SENP6: variants seen among roughly 807,000 people sequenced by gnomAD.
SENP6 encodes the protein sentrin-specific protease 6.
SENP6 carries 41 observed loss-of-function variants against 134.5 expected under a neutral mutation model. The ratio of observed to expected loss-of-function variants is 0.30; its 90% confidence interval spans 0.24 to 0.40. SENP6 has a LOEUF of 0.40. Among genes scored for constraint, SENP6 ranks in the 10% least tolerant of loss-of-function variants. The pLI is 1.00. For synonymous variants in SENP6, 395 were observed against 429.8 expected (o/e 0.92, Z 1.00); for missense variants, 1,248 against 1,312.5 (o/e 0.95, Z 0.76).
chr6:75,672,743 T>C (rs1013229851), intron 11 of SENP6, among the ~76,000 whole-genome samples: 4 of 152,248 alleles, frequency 2.6e-5, no homozygotes, highest in Non-Finnish European at 4.4e-5. Flanking sequence ...TAATGTTTTA[T>C]AAAATTCTAC....
intron 12 of SENP6, 128 bp downstream of exon 12, chr6:75,675,596 C>G (rs1773025379): frequency 3.0e-6 from 2 of 675,766 alleles, no homozygotes; most frequent in Admixed American, 6.5e-5. Flanking sequence ...ATCTTCTTAT[C>G]AAAGGGCATA....
chr6:75,661,733 A>C (rs959718731), intron 8 of SENP6, among the ~76,000 whole-genome samples: 6 of 152,112 alleles, frequency 3.9e-5, no homozygotes, highest in African/African-American at 1.2e-4. Flanking sequence ...GAAATTCTAC[A>C]CTATGTACCA....
intron 11 of SENP6, among the ~76,000 whole-genome samples, chr6:75,673,431 C>T (rs2149875589): frequency 6.8e-6 from 1 of 147,798 alleles, no homozygotes; most frequent in Non-Finnish European, 1.5e-5. Context: ...TCCGGCAATT[C>T]TCCTACCTCA....
chr6:75,633,426 G>A (rs925607788), intron 3 of SENP6, among the ~76,000 whole-genome samples, 155 bp from the exon 4 acceptor site: 4 of 152,112 alleles, frequency 2.6e-5, no homozygotes, highest in African/African-American at 9.7e-5. Context: ...AAAAAAAGTA[G>A]GCAGTTGAAT....
At chr6:75,714,229 C>A (rs546305630) in intron 23 of SENP6, among the ~76,000 whole-genome samples, 2 of 152,322 alleles carry the variant, frequency 1.3e-5, no homozygotes, top group South Asian at 4.1e-4. Flanking sequence ...CTGGCTTTAT[C>A]CTTAACCTTA....
chr6:75,651,453 T>TA (rs1399071142), intron 7 of SENP6, among the ~76,000 whole-genome samples: 1 of 152,100 alleles, frequency 6.6e-6, no homozygotes, highest in African/African-American at 2.4e-5. Flanking sequence ...CTCCTAGTCT[T>TA]ACATCATTCT....
chr6:75,649,404 A>G (rs914532972), intron 7 of SENP6, among the ~76,000 whole-genome samples: 9 of 152,242 alleles, frequency 5.9e-5, no homozygotes, highest in African/African-American at 9.6e-5. Flanking sequence ...CTTGTTACCA[A>G]TAATTTTTAA....
chr6:75,623,323 A>G (rs1294267436), intron 2 of SENP6, among the ~76,000 whole-genome samples: 1 of 152,182 alleles, frequency 6.6e-6, no homozygotes, highest in African/African-American at 2.4e-5. Flanking sequence ...ACATGTATCT[A>G]TTAACATGAA....
intron 7 of SENP6, among the ~76,000 whole-genome samples, chr6:75,655,992 A>T (rs1218211169): frequency 6.6e-6 from 1 of 151,996 alleles, no homozygotes. Flanking sequence ...AGGTGGGTGG[A>T]TCACCTGAAG....
chr6:75,641,782 AG>A (rs1483834048), intron 6 of SENP6, among the ~76,000 whole-genome samples: 1 of 152,178 alleles, frequency 6.6e-6, no homozygotes, highest in Non-Finnish European at 1.5e-5. Context: ...GTTCCAGACT[AG>A]CCTTGGCAAC....
In SENP6 at chr6:75,666,880, T is replaced by C; in HGVS notation, c.1163T>C (p.Ile388Thr). 6.2e-7 allele frequency: 1 copy of C among 1,612,488 alleles called. No homozygotes were observed. Among genetic ancestry groups the C allele is most frequent in the Non-Finnish European group, 8.5e-7 (1 of 1,178,770 alleles). ...TCRAERELRSIPEDSELNTVT... is the reference protein window; with the variant it reads ...TCRAERELRSTPEDSELNTVT... ...AGAGCAGAGCGTGAACTACGAAGCA[T>C]TCCAGAAGACTCAGAGTTAAATACA... The change falls in exon 10 of 24, where the codon ATT becomes ACT. Residue 388 changes from isoleucine to threonine, a missense_variant. By Grantham distance (89) the Ile-to-Thr change is moderately conservative. Around this residue, in one of 3 missense-constraint regions of SENP6, gnomAD observed 733 missense variants for 725.4 expected, o/e 1.01. Transcript: ENST00000447266.
At chr6:75,651,666 A>G (rs567785874) in intron 7 of SENP6, among the ~76,000 whole-genome samples, 20 of 152,060 alleles carry the variant, frequency 1.3e-4, no homozygotes, top group African/African-American at 4.6e-4. Context: ...TTAACTTTCA[A>G]CCAGTCATGG....
intron 19 of SENP6, among the ~76,000 whole-genome samples, chr6:75,707,355 C>CTTTTTTTTTTTTTTTTTTTTTT (rs10564996): frequency 1.3e-5 from 1 of 74,692 alleles, no homozygotes; most frequent in Non-Finnish European, 2.5e-5. Flanking sequence ...TCTTCTTCTT[C>CTTTTTTTTTTTTTTTTTTTTTT]TTTTTTTTTT....
At chr6:75,684,265 TG>T (rs1470116355) in intron 16 of SENP6, among the ~76,000 whole-genome samples, 4 of 152,370 alleles carry the variant, frequency 2.6e-5, no homozygotes, top group Admixed American at 2.0e-4. Context: ...GAGACTTTGC[TG>T]AAGTTGCTTA....
intron 5 of SENP6, among the ~76,000 whole-genome samples, chr6:75,637,915 C>A (rs557617659): frequency 8.5e-4 from 129 of 152,168 alleles, no homozygotes; most frequent in Non-Finnish European, 1.4e-3. Flanking sequence ...TGCTGGAGTG[C>A]AGTGGCGTGA....
chr6:75,607,064 A>G (rs1012549740), intron 1 of SENP6, among the ~76,000 whole-genome samples: 10 of 152,302 alleles, frequency 6.6e-5, no homozygotes, highest in East Asian at 3.9e-4. Context: ...AACAAGGTCA[A>G]TAGCCGGGCA....
intron 8 of SENP6, among the ~76,000 whole-genome samples, chr6:75,661,791 G>A (rs920058452): frequency 2.6e-5 from 4 of 152,170 alleles, no homozygotes; most frequent in African/African-American, 7.2e-5. Context: ...GCTCATGCCT[G>A]TAATCCCAGC....
chr6:75,652,688 A>AAAAAG (rs1293435045), intron 7 of SENP6, among the ~76,000 whole-genome samples: 12 of 149,000 alleles, frequency 8.1e-5, no homozygotes, highest in Non-Finnish European at 1.5e-4. Context: ...AATCTCAAAA[A>AAAAAG]AAAAAAAAAA....
At chr6:75,664,541 T>C (rs1364741531) in intron 9 of SENP6, among the ~76,000 whole-genome samples, 2 of 152,152 alleles carry the variant, frequency 1.3e-5, no homozygotes, top group African/African-American at 2.4e-5. Context: ...AAATAACCAG[T>C]AAGTGGCAAA....
Sources: gnomAD v4.1 joint callset for allele counts (sites outside exome capture counted in the v4.1 genomes callset) on GRCh38, gnomAD v4.1.1 for gene constraint, gnomAD v4.1.1 regional missense constraint, MANE v1.5 for transcripts, NCBI Gene and HGNC (gene_info 2026-07-23, HGNC 2026-07-21) for gene names.